The following LRRC4C variants were observed in gnomAD, a reference collection of about 807,000 sequenced individuals.
LRRC4C encodes leucine-rich repeat-containing protein 4C.
Under a neutral mutation model 33.6 loss-of-function variants are expected in LRRC4C, and 5 were observed. The observed-to-expected ratio is 0.15, with a 90% CI of 0.08 to 0.31. The LOEUF is 0.31. LRRC4C is among the 10% of genes least tolerant of loss of function. The probability of loss-of-function intolerance (pLI) is 1.00; values close to 1 mark genes in which losing one functional copy is unlikely to be tolerated. For missense variants in LRRC4C, 560 were observed against 796.7 expected (o/e 0.70, Z 3.58); for synonymous variants, 329 against 302.0 (o/e 1.09, Z -0.93).
intron 3 of LRRC4C, among the ~76,000 whole-genome samples, chr11:40,372,316 C>G (rs956684408): frequency 1.8e-4 from 28 of 152,292 alleles, no homozygotes; most frequent in African/African-American, 6.7e-4. Flanking sequence ...TCCAAGGACA[C>G]TTGGGGACCT....
At chr11:40,706,482 C>A (rs1034319825) in intron 2 of LRRC4C, among the ~76,000 whole-genome samples, 2 of 152,166 alleles carry the variant, frequency 1.3e-5, no homozygotes, top group Non-Finnish European at 2.9e-5. Flanking sequence ...TTCCCCATTG[C>A]TTGTTTTTGT....
intron 1 of LRRC4C, among the ~76,000 whole-genome samples, chr11:41,026,606 T>C (rs1173251263): frequency 6.6e-6 from 1 of 150,958 alleles, no homozygotes; most frequent in Admixed American, 6.6e-5. Flanking sequence ...AAATCTTTCA[T>C]AAAAGGAAAA....
At chr11:41,081,051 CA>C (rs1939533539) in intron 1 of LRRC4C, among the ~76,000 whole-genome samples, 1 of 151,250 alleles carries the variant, frequency 6.6e-6, no homozygotes, top group African/African-American at 2.5e-5. Context: ...ATGAAAATAG[CA>C]GTCCAATAGT....
At chr11:40,903,428 A>G (rs1443599506) in intron 2 of LRRC4C, among the ~76,000 whole-genome samples, 5 of 152,234 alleles carry the variant, frequency 3.3e-5, no homozygotes, top group Non-Finnish European at 5.9e-5. Flanking sequence ...CCATTCTGCA[A>G]CCCATAGATG....
At chr11:40,615,238 T>TTATATATATATATATATA (rs756021420) in intron 3 of LRRC4C, among the ~76,000 whole-genome samples, 2,356 of 87,198 alleles carry the variant, frequency 0.027, 60 homozygotes, top group Non-Finnish European at 0.031. Context: ...TTGATTTATT[T>TTATATATATATATATATA]TATATATATA....
At chr11:41,001,171 A>C (rs1462002327) in intron 1 of LRRC4C, among the ~76,000 whole-genome samples, 1 of 152,112 alleles carries the variant, frequency 6.6e-6, no homozygotes, top group East Asian at 1.9e-4. Flanking sequence ...TGACACTCTG[A>C]GGTGCTACAA....
At position 40,116,159 on chromosome 11, in the gene LRRC4C, T is replaced by C; in HGVS notation, c.134A>G (p.Gln45Arg). ...GCAGGAGCACACAGAAGGGCAGGTC[T>C]GAGCCCGCACCAGACCAGCCACCAC... ...LLVVAGLVRAQTCPSVCSCSN... is the reference protein window; with the variant it reads ...LLVVAGLVRARTCPSVCSCSN... The change falls in exon 7 of 7, where the codon CAG becomes CGG. Residue 45 changes from glutamine to arginine, a missense_variant. By Grantham distance (43) the Gln-to-Arg change is conservative. Coordinates refer to ENST00000528697, the MANE Select transcript of LRRC4C (RefSeq NM_001258419.2). The C allele has an allele frequency of 6.2e-7, 1 of 1,613,938 alleles. No homozygotes were observed. Among genetic ancestry groups the C allele is most frequent in the South Asian group, 1.1e-5 (1 of 91,074 alleles).
intron 1 of LRRC4C, among the ~76,000 whole-genome samples, chr11:41,288,290 G>C (rs1184111022): frequency 6.6e-6 from 1 of 152,188 alleles, no homozygotes; most frequent in Non-Finnish European, 1.5e-5. Context: ...CATTTGGTAT[G>C]ACTCCAGTTC....
intron 4 of LRRC4C, among the ~76,000 whole-genome samples, chr11:40,287,263 T>TGTGG (rs1473435462): frequency 6.6e-5 from 10 of 150,584 alleles, no homozygotes; most frequent in Non-Finnish European, 1.2e-4. Flanking sequence ...TGTATGTGTG[T>TGTGG]GTGTGTGTGT....
intron 1 of LRRC4C, among the ~76,000 whole-genome samples, chr11:41,439,979 C>T (rs564304869): frequency 6.6e-6 from 1 of 152,104 alleles, no homozygotes; most frequent in Non-Finnish European, 1.5e-5. Context: ...TTTTCCTGTG[C>T]AAATTTTTAG....
chr11:40,499,302 G>A (rs1284937730), intron 3 of LRRC4C, among the ~76,000 whole-genome samples: 1 of 152,088 alleles, frequency 6.6e-6, no homozygotes, highest in Non-Finnish European at 1.5e-5. Flanking sequence ...TGGCCACCAG[G>A]TAAACAAAAA....
intron 1 of LRRC4C, among the ~76,000 whole-genome samples, chr11:41,266,199 A>C (rs1949146575): frequency 6.6e-6 from 1 of 152,100 alleles, no homozygotes; most frequent in Admixed American, 6.6e-5. Context: ...AGAACATGGA[A>C]ATTTGATCAA....
intron 2 of LRRC4C, among the ~76,000 whole-genome samples, chr11:40,898,714 A>G (rs1378450853): frequency 6.6e-6 from 1 of 152,178 alleles, no homozygotes; most frequent in Non-Finnish European, 1.5e-5. Flanking sequence ...CAAAGCTAAC[A>G]GAAAATGTTT....
chr11:41,244,267 A>G (rs148889188), intron 1 of LRRC4C, among the ~76,000 whole-genome samples: 1 of 152,142 alleles, frequency 6.6e-6, no homozygotes, highest in Non-Finnish European at 1.5e-5. Context: ...AGGGAAAAAA[A>G]TGCTTTTAAA....
At chr11:41,203,308 C>A (rs983620707) in intron 1 of LRRC4C, among the ~76,000 whole-genome samples, 3 of 152,066 alleles carry the variant, frequency 2.0e-5, no homozygotes, top group Non-Finnish European at 4.4e-5. Context: ...GAATATAAAT[C>A]CTTTCATTTT....
At chr11:40,143,156 T>C (rs1857488710) in intron 5 of LRRC4C, among the ~76,000 whole-genome samples, 1 of 152,186 alleles carries the variant, frequency 6.6e-6, no homozygotes, top group African/African-American at 2.4e-5. Context: ...ATCAGTATTC[T>C]GTTTTTTTCT....
intron 2 of LRRC4C, among the ~76,000 whole-genome samples, chr11:40,821,534 T>C (rs935677791): frequency 2.6e-5 from 4 of 151,592 alleles, no homozygotes; most frequent in African/African-American, 9.7e-5. Flanking sequence ...ATTTATATTT[T>C]TTAACAATTT....
chr11:41,279,855 T>A (rs913234027), intron 1 of LRRC4C, among the ~76,000 whole-genome samples: 2 of 151,298 alleles, frequency 1.3e-5, no homozygotes, highest in Non-Finnish European at 2.9e-5. Context: ...CTGGCCACAT[T>A]TATTATTATT....
intron 3 of LRRC4C, among the ~76,000 whole-genome samples, chr11:40,639,246 T>G (rs1410702289): frequency 1.3e-5 from 2 of 152,206 alleles, no homozygotes; most frequent in African/African-American, 4.8e-5. Context: ...AATTTTCTTT[T>G]GCCAAATCAA....
Sources: gnomAD v4.1 joint callset for allele counts (sites outside exome capture counted in the v4.1 genomes callset) on GRCh38, gnomAD v4.1.1 for gene constraint, MANE v1.5 for transcripts, NCBI Gene and HGNC (gene_info 2026-07-23, HGNC 2026-07-21) for gene names.